The following DCC variants were observed in gnomAD, a reference collection of about 807,000 sequenced individuals.
DCC encodes netrin receptor DCC.
In DCC, 58 loss-of-function variants were observed where a neutral mutation model predicts 172.5. That is an observed-to-expected ratio of 0.34 (90% CI 0.27 to 0.42). The LOEUF is 0.42. Among genes scored for constraint, DCC ranks in the 10% least tolerant of loss-of-function variants. The pLI, the probability that DCC is intolerant of heterozygous loss-of-function variation, is 1.00. For synonymous variants in DCC, 709 were observed against 644.5 expected (o/e 1.10, Z -1.52); for missense variants, 1,740 against 1,791.0 (o/e 0.97, Z 0.51).
chr18:53,273,465 G>T (rs1267570241), intron 12 of DCC, among the ~76,000 whole-genome samples: 2 of 151,986 alleles, frequency 1.3e-5, no homozygotes, highest in Non-Finnish European at 2.9e-5. Flanking sequence ...AAATGTCTAG[G>T]ATTTAAAGAA....
chr18:52,691,098 C>G (rs971217742), intron 1 of DCC, among the ~76,000 whole-genome samples: 2 of 152,168 alleles, frequency 1.3e-5, no homozygotes, highest in African/African-American at 4.8e-5. Context: ...CTAGTACACT[C>G]ATTCCCTGTA....
At chr18:53,093,155 G>A (rs2043038129) in intron 7 of DCC, among the ~76,000 whole-genome samples, 1 of 152,086 alleles carries the variant, frequency 6.6e-6, no homozygotes, top group Non-Finnish European at 1.5e-5. Flanking sequence ...GGGGGTGCAT[G>A]CCTGTAATCC....
chr18:52,600,371 C>T (rs2033992329), intron 1 of DCC, among the ~76,000 whole-genome samples: 1 of 152,196 alleles, frequency 6.6e-6, no homozygotes, highest in South Asian at 2.1e-4. Context: ...GTCATTTGCA[C>T]TCTTTTGCTA....
intron 8 of DCC, among the ~76,000 whole-genome samples, chr18:53,159,005 A>G (rs1437744290): frequency 1.4e-5 from 2 of 146,810 alleles, no homozygotes; most frequent in Non-Finnish European, 3.0e-5. Flanking sequence ...AAAAAAAAAA[A>G]GAAGAAGATG....
intron 27 of DCC, among the ~76,000 whole-genome samples, chr18:53,517,593 C>G (rs1298005136): frequency 6.6e-6 from 1 of 151,976 alleles, no homozygotes; most frequent in East Asian, 1.9e-4. Flanking sequence ...GACAGGTGGC[C>G]CAATGAAAGC....
At chr18:53,519,786 T>C (rs1281924845) in intron 27 of DCC, among the ~76,000 whole-genome samples, 1 of 152,156 alleles carries the variant, frequency 6.6e-6, no homozygotes, top group Non-Finnish European at 1.5e-5. Context: ...AAGCTTTCCC[T>C]GTAGCTACAA....
intron 1 of DCC, among the ~76,000 whole-genome samples, chr18:52,520,354 T>G (rs898242608): frequency 6.6e-6 from 1 of 152,208 alleles, no homozygotes; most frequent in African/African-American, 2.4e-5. Flanking sequence ...AATCAGTAAA[T>G]CCAAGTTAAC....
chr18:53,306,142 CAAAG>C (rs984220701), intron 13 of DCC, among the ~76,000 whole-genome samples: 1 of 152,088 alleles, frequency 6.6e-6, no homozygotes, highest in African/African-American at 2.4e-5. Flanking sequence ...GATTGTAAAA[CAAAG>C]AGAGAGATTA....
intron 2 of DCC, among the ~76,000 whole-genome samples, chr18:52,905,439 T>C (rs1275158374): frequency 8.5e-5 from 13 of 152,180 alleles, no homozygotes; most frequent in African/African-American, 3.1e-4. Flanking sequence ...TTAAATCTTT[T>C]CACTACACCA....
At chr18:52,614,294 T>C (rs970051991) in intron 1 of DCC, among the ~76,000 whole-genome samples, 2 of 152,204 alleles carry the variant, frequency 1.3e-5, no homozygotes, top group Admixed American at 6.5e-5. Context: ...ACCTTATCAA[T>C]GTGTGGCCTT....
chr18:53,307,685 AT>A (rs2144787802), intron 13 of DCC, among the ~76,000 whole-genome samples: 1 of 151,790 alleles, frequency 6.6e-6, no homozygotes, highest in Non-Finnish European at 1.5e-5. Flanking sequence ...TACGCAGCCA[AT>A]AAAGATGATA....
intron 15 of DCC, among the ~76,000 whole-genome samples, chr18:53,376,265 T>TA (rs1362578148): frequency 1.3e-5 from 2 of 151,920 alleles, no homozygotes; most frequent in Admixed American, 1.3e-4. Flanking sequence ...GTGCCTGTAC[T>TA]CCCAGCTACT....
chr18:53,334,224 G>A (rs1174162106), intron 14 of DCC, among the ~76,000 whole-genome samples: 1 of 152,090 alleles, frequency 6.6e-6, no homozygotes, highest in East Asian at 1.9e-4. Context: ...AAAATAGAGT[G>A]ATCTTTCAGT....
At chr18:53,152,217 A>G (rs8089296) in intron 7 of DCC, among the ~76,000 whole-genome samples, 64,067 of 151,958 alleles carry the variant, frequency 0.42, 14,282 homozygotes, top group East Asian at 0.71. Flanking sequence ...AAATAGGTCT[A>G]TTGGCTTGTT....
intron 2 of DCC, among the ~76,000 whole-genome samples, chr18:52,810,067 C>T (rs2038164035): frequency 6.6e-6 from 1 of 151,442 alleles, no homozygotes; most frequent in Non-Finnish European, 1.5e-5. Context: ...GAGAAAAATC[C>T]TTCTAACAAC....
chr18:52,616,123 T>C (rs1210791445), intron 1 of DCC, among the ~76,000 whole-genome samples: 2 of 152,156 alleles, frequency 1.3e-5, no homozygotes, highest in African/African-American at 4.8e-5. Flanking sequence ...ACTGGTATAT[T>C]AGTAATAACT....
chr18:52,725,381 C>T (rs1261848942), intron 1 of DCC, among the ~76,000 whole-genome samples: 2 of 152,206 alleles, frequency 1.3e-5, no homozygotes, highest in African/African-American at 2.4e-5. Context: ...TCAAAAGCTT[C>T]AAGTTCTTGC....
intron 5 of DCC, among the ~76,000 whole-genome samples, chr18:52,985,427 G>T (rs1047949750): frequency 6.6e-6 from 1 of 152,196 alleles, no homozygotes; most frequent in African/African-American, 2.4e-5. Flanking sequence ...CTGCTGATGA[G>T]AAAGATAGTG....
intron 12 of DCC, among the ~76,000 whole-genome samples, chr18:53,288,993 T>C (rs2056967135): frequency 6.6e-6 from 1 of 152,134 alleles, no homozygotes; most frequent in South Asian, 2.1e-4. Flanking sequence ...TGGCAAATAC[T>C]AGGACCATTA....
Sources: gnomAD v4.1 joint callset for allele counts (sites outside exome capture counted in the v4.1 genomes callset) on GRCh38, gnomAD v4.1.1 for gene constraint, MANE v1.5 for transcripts, NCBI Gene and HGNC (gene_info 2026-07-23, HGNC 2026-07-21) for gene names.